Variants in BCAM observed in about 807,000 individuals in gnomAD.
BCAM encodes basal cell adhesion molecule.
BCAM carries 61 observed loss-of-function variants against 72.4 expected under a neutral mutation model. That is an observed-to-expected ratio of 0.84 (90% CI 0.69 to 1.04). The LOEUF (loss-of-function observed/expected upper bound fraction) is 1.04. BCAM is among the 50% of genes least tolerant of loss of function. The pLI is 0.00. For synonymous variants in BCAM, 408 were observed against 384.2 expected (o/e 1.06, Z -0.73); for missense variants, 909 against 895.0 (o/e 1.02, Z -0.20).
At chr19:44,815,047 G>A (rs780579940) in intron 8 of BCAM, among the ~76,000 whole-genome samples, 1 of 151,812 alleles carries the variant, frequency 6.6e-6, no homozygotes, top group African/African-American at 2.4e-5. Flanking sequence ...CTTGTCGAGA[G>A]CTCTTTCCAT....
At chr19:44,820,029 C>CGTCT in intron 13 of BCAM, 1 of 1,277,218 alleles carries the variant, frequency 7.8e-7, no homozygotes, top group Non-Finnish European at 9.9e-7. Flanking sequence ...CCTCTCCTGC[C>CGTCT]CCTAGCTCAG....
chr19:44,821,046 C>G lies in BCAM; in HGVS notation c.*125C>G. On this transcript the variant is annotated 3_prime_UTR_variant, in exon 15 of 15. Coordinates refer to ENST00000270233, the MANE Select transcript of BCAM (RefSeq NM_005581.5). ...CTTCCCTCTCCCTGCCCAGCCCTCC[C>G]TTCCTTCCTCTGCCGGCAAGGCAGG... The G allele has an allele frequency of 7.9e-7, 1 of 1,265,120 alleles. No homozygotes were observed. The highest frequency in any genetic ancestry group is 2.0e-5 in the South Asian group (1 of 50,362). The allele number at this position is 1,265,120 out of a possible 1,614,324, so 78.4% of individuals were successfully genotyped here.
chr19:44,819,638 G>A lies in BCAM; in HGVS notation c.1675G>A (p.Gly559Ser). 4 of 1,613,616 alleles carry A rather than the reference G, an allele frequency of 2.5e-6. No homozygotes were observed. Among genetic ancestry groups the A allele is most frequent in the Non-Finnish European group, 3.4e-6 (4 of 1,179,768 alleles). Residue 559 changes from glycine to serine, a missense_variant, in exon 13 of 15, where the codon GGC becomes AGC. Coordinates refer to ENST00000270233, the MANE Select transcript of BCAM (RefSeq NM_005581.5). ...VAVMAVAVSV[G>S]LLLLVVAVFY... ...CGTCATGGCCGTGGCCGTCAGCGTGGGCCTCCTGCTCCTCGTCGTTGCTGT... is the reference window on the plus strand; with the variant it reads ...CGTCATGGCCGTGGCCGTCAGCGTGAGCCTCCTGCTCCTCGTCGTTGCTGT...
chr19:44,818,454 G>T lies in BCAM; in HGVS notation c.1079-68G>T. 2 of 1,313,504 alleles carry T rather than the reference G, an allele frequency of 1.5e-6. No homozygotes were observed. The highest frequency in any genetic ancestry group is 1.1e-6 in the Non-Finnish European group (1 of 923,312). 81.4% of individuals were successfully genotyped at this position (1,313,504 alleles called of 1,614,324 possible). A position where few individuals can be genotyped will look rare whatever the true frequency, so the allele number is the denominator to read the frequency against. ...TCCATTCATGTTTGCACCCCCGACC[G>T]CCCCTGGAGAGCCCCTAATTGAGTG... On this transcript the variant is annotated intron_variant, in intron 8 of 14. Transcript: ENST00000270233. This position sits in a 1 kb window ranked among gnomAD's most constrained non-coding sequence, Gnocchi z 4.6.
intron 11 of BCAM, 27 bp downstream of exon 11, chr19:44,819,219 G>GC: frequency 6.2e-7 from 1 of 1,613,532 alleles, no homozygotes; most frequent in Non-Finnish European, 8.5e-7. Flanking sequence ...TCCACCCTGA[G>GC]CCCCCTCTCA....
Position 44,813,688 on chromosome 19 carries a change from C to G in BCAM, c.784+68C>G. 6.4e-7 allele frequency: 1 copy of G among 1,551,092 alleles called. No homozygotes were observed. Among genetic ancestry groups the G allele is most frequent in the Non-Finnish European group, 8.7e-7 (1 of 1,147,202 alleles). On this transcript the variant is annotated intron_variant, in intron 6 of 14. Coordinates refer to ENST00000270233, the MANE Select transcript of BCAM (RefSeq NM_005581.5). The surrounding 1 kb of genome is among the most constrained non-coding windows in gnomAD (Gnocchi z 4.2). ...ACCTCATGAGGCCTGACCCTCCACC[C>G]GGGGGCTTCACACTCCCCTCTGACC...
rs199762962 is a variant in BCAM, at chr19:44,814,619, G to C, written c.937G>C (p.Val313Leu). The C allele has an allele frequency of 3.1e-6, 5 of 1,613,788 alleles. No individual in the cohort carries two copies. The highest frequency in any genetic ancestry group is 1.7e-4 in the Middle Eastern group (1 of 6,060). ...LFRLQDEQEEVLNVNLEGNLT... is the reference protein window; with the variant it reads ...LFRLQDEQEELLNVNLEGNLT... ...CGTCTCCCAGGATGAGCAGGAGGAA[G>C]TGCTGAATGTGAATCTCGAGGGGAA... is the stretch of plus-strand genomic sequence containing the variant. Residue 313 changes from valine (V) to leucine (L), a missense_variant, in exon 8 of 15, where the codon GTG becomes CTG. By Grantham distance (32) the Val-to-Leu change is conservative. Transcript: ENST00000270233. The surrounding 1 kb of genome is among the most constrained non-coding windows in gnomAD (Gnocchi z 4.6).
intron 13 of BCAM, 116 bp from the exon 14 acceptor site, chr19:44,820,589 C>T (rs1271895089): frequency 1.5e-6 from 2 of 1,311,024 alleles, no homozygotes; most frequent in African/African-American, 3.0e-5. Context: ...AGCACACCCC[C>T]ATCCTCACCT....
At position 44,813,791 on chromosome 19, in the gene BCAM, G is replaced by T. The variant is rs1968464571; in HGVS notation, c.784+171G>T. On this transcript the variant is annotated intron_variant, in intron 6 of 14. Transcript: ENST00000270233. The surrounding 1 kb of genome is among the most constrained non-coding windows in gnomAD (Gnocchi z 4.2). ...CCTCTGACCTCAATTGGTCGCACAA[G>T]CCCCATCCTGACCTCTGACCTCCGA... The T allele has an allele frequency of 1.0e-6, 1 of 990,340 alleles. No individual in the cohort carries two copies. The highest frequency in any genetic ancestry group is 2.6e-5 in the East Asian group (1 of 37,866). 61.3% of individuals were successfully genotyped at this position (990,340 alleles called of 1,614,324 possible).
rs375347857 is a variant in BCAM at position 44,820,837 on chromosome 19, G to A, written c.1881+15G>A. 1.3e-6 allele frequency: 2 copies of A among 1,521,564 alleles called. No homozygotes were observed. The highest frequency in any genetic ancestry group is 1.4e-5 in the African/African-American group (1 of 72,090). The allele number at this position is 1,521,564 out of a possible 1,614,324, so 94.3% of individuals were successfully genotyped here. On this transcript the variant is annotated intron_variant, in intron 14 of 14. Coordinates refer to ENST00000270233, the MANE Select transcript of BCAM (RefSeq NM_005581.5). ...TCGGAGACGAGGTGGGTGAGGGCCT[G>A]GGCCCCCTGGTGAGAGGGACCTGCT...
At chr19:44,820,038 A>AT in intron 13 of BCAM, 1 of 1,234,932 alleles carries the variant, frequency 8.1e-7, no homozygotes, top group South Asian at 2.8e-5. Flanking sequence ...CCCCTAGCTC[A>AT]GCCTCATCCC....
intron 1 of BCAM, 48 bp from the exon 2 acceptor site, chr19:44,811,177 G>A: frequency 6.2e-7 from 1 of 1,609,686 alleles, no homozygotes; most frequent in Non-Finnish European, 8.5e-7. Context: ...TGTCTGGAGG[G>A]CTCTTCCTGT....
At chr19:44,820,514 C>T in intron 13 of BCAM, 191 bp from the exon 14 acceptor site, 2 of 1,269,892 alleles carry the variant, frequency 1.6e-6, no homozygotes, top group Admixed American at 3.9e-5. Flanking sequence ...ATCTGCATCC[C>T]CATGCCCAAC....
Position 44,821,124 on chromosome 19 carries a change from G to C in BCAM, c.*203G>C, listed in dbSNP as rs555920257. ...AGGGAAGGAGAGGGAGGGTGGGTGG[G>C]TGGGAGGGGGCCTTCCTCCAGGGAA... On this transcript the variant is annotated 3_prime_UTR_variant, in exon 15 of 15. Coordinates refer to ENST00000270233, the MANE Select transcript of BCAM (RefSeq NM_005581.5). The C allele has an allele frequency of 1.8e-6, 1 of 549,684 alleles. No individual in the cohort carries two copies. The highest frequency in any genetic ancestry group is 2.9e-6 in the Non-Finnish European group (1 of 346,380). The allele number at this position is 549,684 out of a possible 1,614,324, so 34.1% of individuals were successfully genotyped here.
chr19:44,818,567 C>T lies in BCAM; in HGVS notation c.1124C>T (p.Pro375Leu). 6.2e-7 allele frequency: 1 copy of T among 1,614,060 alleles called. No individual in the cohort carries two copies. Among genetic ancestry groups the T allele is most frequent in the Admixed American group, 1.7e-5 (1 of 59,998 alleles). ...AGCGAGGGGAAGGTGCTTTCCTTAC[C>T]TCTAAACAGCAGTGCAGTCGTGAAC... ...ELSEGKVLSL[P>L]LNSSAVVNCS... The change falls in exon 9 of 15, where the codon CCT becomes CTT. Residue 375 changes from proline (P) to leucine (L), a missense_variant. Transcript: ENST00000270233. The surrounding 1 kb of genome is among the most constrained non-coding windows in gnomAD (Gnocchi z 4.6).
chr19:44,819,891 C>T (rs1968560698), intron 13 of BCAM, 165 bp downstream of exon 13: 2 of 1,411,652 alleles, frequency 1.4e-6, no homozygotes, highest in East Asian at 2.5e-5. Flanking sequence ...AGCCCCAAAC[C>T]CAGCCCCAGA....
In BCAM at chr19:44,812,492, A is replaced by G. The variant is rs1426601400; in HGVS notation, c.448A>G (p.Thr150Ala). 6.2e-7 allele frequency: 1 copy of G among 1,614,232 alleles called. No individual in the cohort carries two copies. Among genetic ancestry groups the G allele is most frequent in the South Asian group, 1.1e-5 (1 of 91,090 alleles). Reference protein sequence around the residue: ...RLNVFAKPEATEVSPNKGTLS... With the variant: ...RLNVFAKPEAAEVSPNKGTLS... Reference sequence around the variant, plus strand: ...CTTTTTCACAGCAAAGCCAGAGGCCACTGAGGTCTCCCCCAACAAAGGGAC... The same window carrying G: ...CTTTTTCACAGCAAAGCCAGAGGCCGCTGAGGTCTCCCCCAACAAAGGGAC... Residue 150 changes from threonine (T) to alanine (A), a missense_variant, in exon 4 of 15, where the codon ACT (threonine) becomes GCT (alanine). Thr to Ala is a moderately conservative substitution (Grantham distance 58, BLOSUM62 0). Coordinates refer to ENST00000270233, the MANE Select transcript of BCAM (RefSeq NM_005581.5). This position sits in a 1 kb window ranked among gnomAD's most constrained non-coding sequence, Gnocchi z 5.3.
chr19:44,812,594 G>C lies in BCAM; in HGVS notation c.504+46G>C, dbSNP rs1203429429. ...GGCCCCAGGGTCCTGGAGGAGGAGG[G>C]GACAGGGCCCTGGACTCCTGGGTCT... On this transcript the variant is annotated intron_variant, in intron 4 of 14. Coordinates refer to ENST00000270233, the MANE Select transcript of BCAM (RefSeq NM_005581.5). This position sits in a 1 kb window ranked among gnomAD's most constrained non-coding sequence, Gnocchi z 5.3. 1 of 1,606,900 alleles carries C rather than the reference G, an allele frequency of 6.2e-7. No individual in the cohort carries two copies. Among genetic ancestry groups the C allele is most frequent in the Admixed American group, 1.7e-5 (1 of 58,944 alleles).
rs1406068853 is a variant in BCAM, at chr19:44,814,241, CG to C, written c.880del (p.Asp294ThrfsTer21). On this transcript the variant is annotated frameshift_variant, in exon 7 of 15. Coordinates refer to ENST00000270233, the MANE Select transcript of BCAM (RefSeq NM_005581.5). LOFTEE classifies it high-confidence loss of function. The surrounding 1 kb of genome is among the most constrained non-coding windows in gnomAD (Gnocchi z 4.6). ...GGGTGACACTGTCCAGCTGCTCTGCCGGGGGGACGGCAGCCCCAGCCCGGAG... is the reference window on the plus strand; with the variant it reads ...GGGTGACACTGTCCAGCTGCTCTGCCGGGGGACGGCAGCCCCAGCCCGGAG... Reference protein sequence around the residue: ...REGDTVQLLCRGDGSPSPEYT... With the variant: ...REGDTVQLLCXGDGSPSPEYT... The C allele has an allele frequency of 1.3e-5, 21 of 1,590,152 alleles. No homozygotes were observed. Among genetic ancestry groups the C allele is most frequent in the Middle Eastern group, 1.7e-4 (1 of 5,964 alleles).
Sources: allele counts gnomAD v4.1 joint callset (sites outside exome capture counted in the v4.1 genomes callset), GRCh38; gene constraint gnomAD v4.1.1; non-coding constraint Gnocchi (gnomAD v3.1); transcripts MANE v1.5; gene names NCBI Gene and HGNC (gene_info 2026-07-23, HGNC 2026-07-21).